The following ACSM3 variants were observed in gnomAD, a reference collection of about 807,000 sequenced individuals.
ACSM3 encodes acyl-coenzyme A synthetase ACSM3, mitochondrial.
Under a neutral mutation model 74.1 loss-of-function variants are expected in ACSM3, and 61 were observed. That is an observed-to-expected ratio of 0.82 (90% CI 0.67 to 1.02). The LOEUF (loss-of-function observed/expected upper bound fraction) is 1.02. Ranked by LOEUF, ACSM3 falls within the 50% of genes least tolerant of loss-of-function variation. The probability of loss-of-function intolerance (pLI) is 0.00; values close to 1 mark genes in which losing one functional copy is unlikely to be tolerated. For synonymous variants in ACSM3, 213 were observed against 241.5 expected, an observed-to-expected ratio of 0.88 and a Z score of 1.09; for missense variants, 660 against 697.0, an observed-to-expected ratio of 0.95 and a Z score of 0.60.
chr16:20,706,117 T>C (rs1436276229), intron 1 of ACSM3, among the ~76,000 whole-genome samples: 5 of 151,430 alleles, frequency 3.3e-5, no homozygotes, highest in South Asian at 2.1e-4. Context: ...TACATAAAAA[T>C]TGGAGTTCTA....
intron 1 of ACSM3, among the ~76,000 whole-genome samples, chr16:20,697,095 T>C (rs144821848): frequency 6.6e-6 from 1 of 152,052 alleles, no homozygotes; most frequent in African/African-American, 2.4e-5. Flanking sequence ...ATGTTAACCA[T>C]TTTTTTTGAA....
intron 1 of ACSM3, chr16:20,722,146 T>C (rs1397860700): frequency 6.6e-6 from 1 of 152,202 alleles, no homozygotes; most frequent in African/African-American, 2.4e-5. Context: ...GGGATAAGGC[T>C]GATGATAAAG....
chr16:20,682,506 C>G, intron 1 of ACSM3: 1 of 1,527,084 alleles, frequency 6.5e-7, no homozygotes, highest in South Asian at 1.1e-5. Context: ...TTCTTTTTCA[C>G]AACCATGGGC....
At chr16:20,792,678 CA>C in intron 12 of ACSM3, 1 of 985,352 alleles carries the variant, frequency 1.0e-6, no homozygotes, top group Non-Finnish European at 1.2e-6. Flanking sequence ...AATTGTTACC[CA>C]GAAGGTCTGG....
intron 2 of ACSM3, among the ~76,000 whole-genome samples, chr16:20,771,298 T>C (rs1328085299): frequency 6.6e-6 from 1 of 151,680 alleles, no homozygotes; most frequent in Non-Finnish European, 1.5e-5. Context: ...TGGTCTCAAG[T>C]GATCCGCCCA....
At chr16:20,759,517 G>T (rs564302504), upstream of ACSM3, among the ~76,000 whole-genome samples, 2 of 143,218 alleles carry the variant, frequency 1.4e-5, no homozygotes, top group Non-Finnish European at 3.0e-5. Flanking sequence ...CCGAGATCAC[G>T]CCACTGCACT....
At position 20,781,096 on chromosome 16, in the gene ACSM3, A is replaced by G. The variant is rs1298364478; in HGVS notation, c.905A>G (p.His302Arg). The change falls in exon 6 of 14, where the codon CAT (histidine) becomes CGT (arginine). Residue 302 changes from histidine (H) to arginine (R), a missense_variant. Physicochemically the swap from His to Arg is conservative, Grantham distance 29 (BLOSUM62 0). Coordinates refer to ENST00000289416, the MANE Select transcript of ACSM3 (RefSeq NM_005622.4). ...CAGGGAGCATGTGTATTCACACACC[A>G]TTTACCCCGTTTTGAGCCGACTTCT... Reference protein sequence around the residue: ...WIQGACVFTHHLPRFEPTSIL... With the variant: ...WIQGACVFTHRLPRFEPTSIL... 7.4e-6 allele frequency: 12 copies of G among 1,614,078 alleles called. No homozygotes were observed. Among genetic ancestry groups the G allele is most frequent in the Non-Finnish European group, 1.0e-5 (12 of 1,180,016 alleles).
At chr16:20,727,030 T>C (rs758595830) in intron 1 of ACSM3, among the ~76,000 whole-genome samples, 3 of 152,240 alleles carry the variant, frequency 2.0e-5, no homozygotes, top group Non-Finnish European at 2.9e-5. Flanking sequence ...TGTTATATCA[T>C]GTGGCTTGTA....
rs2079769728 is a variant in ACSM3, at chr16:20,717,963, GAAGAAGAAGAA to G, written c.-189-31946_-189-31936del. On this transcript the variant is annotated intron_variant, in intron 1 of 3. Coordinates refer to the ACSM3 transcript ENST00000561584. ...AGAAGAGGAAGAGGAAGAGGAAGAA[GAAGAAGAAGAA>G]GAAGAAGAAGAAGAAGAAGAAGAAG... Among the ~76,000 whole-genome samples, 537 of 93,664 alleles carry G rather than the reference GAAGAAGAAGAA, an allele frequency of 5.7e-3. 5 individuals carry two copies. Among genetic ancestry groups the G allele is most frequent in the East Asian group, 0.016 (47 of 2,890 alleles). 61.4% of individuals were successfully genotyped at this position (93,664 alleles called of 152,430 possible).
Position 20,780,732 on chromosome 16 carries a change from C to A in ACSM3, c.657C>A (p.His219Gln). Reference protein sequence around the residue: ...KELMKHASDSHTCVKTKHNEI... With the variant: ...KELMKHASDSQTCVKTKHNEI... ...TTTGCAGACATGCCAGTGACAGCCA[C>A]ACCTGTGTGAAGACAAAACACAATG... The change falls in exon 5 of 14, where the codon CAC (histidine) becomes CAA (glutamine). Residue 219 changes from histidine (H) to glutamine (Q), a missense_variant. Coordinates refer to ENST00000289416, the MANE Select transcript of ACSM3 (RefSeq NM_005622.4). 1 of 1,614,184 alleles carries A rather than the reference C, an allele frequency of 6.2e-7. No homozygotes were observed. Among genetic ancestry groups the A allele is most frequent in the Non-Finnish European group, 8.5e-7 (1 of 1,180,034 alleles).
At chr16:20,765,901 CT>C (rs987336782) in intron 1 of ACSM3, among the ~76,000 whole-genome samples, 1 of 152,168 alleles carries the variant, frequency 6.6e-6, no homozygotes, top group Non-Finnish European at 1.5e-5. Flanking sequence ...CCATTACTCT[CT>C]TTGTTTTCTT....
At chr16:20,768,528 A>T (rs1182412861) in intron 1 of ACSM3, among the ~76,000 whole-genome samples, 1 of 152,216 alleles carries the variant, frequency 6.6e-6, no homozygotes, top group Non-Finnish European at 1.5e-5. Flanking sequence ...AGTGATTCTC[A>T]ACCATGGCTG....
chr16:20,776,751 G>A (rs1006437499), intron 3 of ACSM3, among the ~76,000 whole-genome samples: 1 of 152,158 alleles, frequency 6.6e-6, no homozygotes, highest in Admixed American at 6.5e-5. Context: ...CTATAAGAGT[G>A]TCTGGCTCCA....
chr16:20,728,328 AC>A, intron 1 of ACSM3: 1 of 886,818 alleles, frequency 1.1e-6, no homozygotes, highest in Non-Finnish European at 1.7e-6. Flanking sequence ...ACTATTTACA[AC>A]CTGCTTTCAT....
intron 1 of ACSM3, chr16:20,680,561 C>T (rs529830183): frequency 6.6e-6 from 1 of 152,322 alleles, no homozygotes; most frequent in Non-Finnish European, 1.5e-5. Flanking sequence ...GAACCAACAG[C>T]CTCAGCCAGT....
At chr16:20,719,412 T>C (rs1403293533) in intron 1 of ACSM3, 1 of 235,292 alleles carries the variant, frequency 4.3e-6, no homozygotes, top group Non-Finnish European at 9.3e-6. Context: ...GCTAGATAGA[T>C]CTTTAGAGCT....
chr16:20,779,852 A>C, intron 4 of ACSM3: 1 of 198,212 alleles, frequency 5.0e-6, no homozygotes, highest in Non-Finnish European at 1.1e-5. Context: ...GCTCACTGCA[A>C]CCTCCACCTC....
intron 1 of ACSM3, among the ~76,000 whole-genome samples, chr16:20,709,397 C>A (rs923093736): frequency 2.0e-5 from 3 of 152,202 alleles, no homozygotes; most frequent in Admixed American, 2.0e-4. Context: ...TGTTTTCTGA[C>A]TCAGAATTAT....
chr16:20,773,842 T>C (rs2080222489), intron 2 of ACSM3, among the ~76,000 whole-genome samples: 1 of 152,224 alleles, frequency 6.6e-6, no homozygotes, highest in Non-Finnish European at 1.5e-5. Context: ...CTGTAGCTGT[T>C]GGATAAAATG....
Sources: allele counts gnomAD v4.1 joint callset (sites outside exome capture counted in the v4.1 genomes callset), GRCh38; gene constraint gnomAD v4.1.1; transcripts MANE v1.5; gene names NCBI Gene and HGNC (gene_info 2026-07-23, HGNC 2026-07-21).